Variants in ARNT observed in about 807,000 individuals in gnomAD.
ARNT encodes the protein class E basic helix-loop-helix protein 2.
Under a neutral mutation model 105.0 loss-of-function variants are expected in ARNT, and 30 were observed. The observed-to-expected ratio is 0.29, with a 90% CI of 0.21 to 0.39. The LOEUF is 0.39. Ranked by LOEUF, ARNT falls within the 10% of genes least tolerant of loss-of-function variation. The pLI is 1.00. For missense variants in ARNT, 748 were observed against 978.7 expected (o/e 0.76, Z 3.15); for synonymous variants, 304 against 344.0 (o/e 0.88, Z 1.29).
chr1:150,870,535 T>C (rs1667261816), intron 1 of ARNT, among the ~76,000 whole-genome samples: 1 of 152,112 alleles, frequency 6.6e-6, no homozygotes, highest in Admixed American at 6.5e-5. Flanking sequence ...GGTCTCACTC[T>C]GTCTCCTAGT....
chr1:150,830,997 C>T (rs587714761), intron 10 of ARNT, among the ~76,000 whole-genome samples: 1 of 152,226 alleles, frequency 6.6e-6, no homozygotes, highest in East Asian at 1.9e-4. Context: ...GGGCTGGATG[C>T]TTTCCTTACA....
At chr1:150,873,141 T>A (rs1557979437) in intron 1 of ARNT, among the ~76,000 whole-genome samples, 1 of 151,160 alleles carries the variant, frequency 6.6e-6, no homozygotes, top group Non-Finnish European at 1.5e-5. Flanking sequence ...AAAAAAAAAT[T>A]AGCCGGGCGT....
intron 8 of ARNT, 47 bp downstream of exon 8, chr1:150,834,491 T>TCTTG: frequency 6.3e-7 from 1 of 1,576,084 alleles, no homozygotes; most frequent in African/African-American, 1.3e-5. Flanking sequence ...AACTCTCAGC[T>TCTTG]CTTGATCCTT....
intron 9 of ARNT, 54 bp from the exon 10 acceptor site, chr1:150,831,957 C>CAG: frequency 8.6e-7 from 1 of 1,165,012 alleles, no homozygotes; most frequent in Non-Finnish European, 1.2e-6. Flanking sequence ...CCGTAAAACT[C>CAG]AAAGGGCAAT....
chr1:150,854,734 G>T (rs1422219009), intron 2 of ARNT, among the ~76,000 whole-genome samples: 2 of 151,502 alleles, frequency 1.3e-5, no homozygotes, highest in Non-Finnish European at 2.9e-5. Flanking sequence ...GCGGGCACCT[G>T]TAATCCCAGC....
intron 14 of ARNT, among the ~76,000 whole-genome samples, chr1:150,819,413 T>A (rs76262208): frequency 6.6e-6 from 1 of 152,036 alleles, no homozygotes; most frequent in African/African-American, 2.4e-5. Flanking sequence ...TATATCCACA[T>A]AAAAACTAGT....
intron 1 of ARNT, among the ~76,000 whole-genome samples, chr1:150,875,942 A>C (rs988005850): frequency 1.3e-5 from 2 of 152,212 alleles, no homozygotes; most frequent in African/African-American, 4.8e-5. Context: ...AGGCCCTCTT[A>C]ACACAAGATC....
chr1:150,818,133 T>A (rs1268793463), intron 14 of ARNT, 103 bp from the exon 15 acceptor site: 2 of 770,772 alleles, frequency 2.6e-6, no homozygotes, highest in East Asian at 5.4e-5. Flanking sequence ...CTCTATAGAT[T>A]CATCTGTAGG....
chr1:150,875,193 T>C (rs896477895), intron 1 of ARNT, among the ~76,000 whole-genome samples: 3 of 152,180 alleles, frequency 2.0e-5, no homozygotes, highest in Non-Finnish European at 4.4e-5. Context: ...TGTTTTATAG[T>C]TTTATTCTAT....
At chr1:150,830,028 A>C in intron 10 of ARNT, 48 bp from the exon 11 acceptor site, 3 of 1,592,792 alleles carry the variant, frequency 1.9e-6, no homozygotes, top group Non-Finnish European at 2.6e-6. Context: ...TCCAACTCAA[A>C]TGCCTTCAAA....
intron 4 of ARNT, 43 bp downstream of exon 4, chr1:150,846,220 G>C: frequency 6.5e-7 from 1 of 1,532,646 alleles, no homozygotes; most frequent in Non-Finnish European, 9.0e-7. Flanking sequence ...CTACAACATG[G>C]ATCATATTAT....
At chr1:150,814,001 A>G in intron 20 of ARNT, 76 bp downstream of exon 20, 1 of 1,553,012 alleles carries the variant, frequency 6.4e-7, no homozygotes, top group Non-Finnish European at 8.8e-7. Flanking sequence ...CAACACAGGC[A>G]AACAACTTTA....
intron 1 of ARNT, among the ~76,000 whole-genome samples, chr1:150,865,907 T>C (rs1208430485): frequency 6.6e-6 from 1 of 152,190 alleles, no homozygotes; most frequent in Non-Finnish European, 1.5e-5. Flanking sequence ...ATTTCACTAA[T>C]TGATAGTTTG....
chr1:150,865,265 A>T (rs1041784035), intron 1 of ARNT, among the ~76,000 whole-genome samples: 4 of 152,220 alleles, frequency 2.6e-5, no homozygotes, highest in Non-Finnish European at 5.9e-5. Context: ...AAAAATTTTT[A>T]AAAGCAAAAA....
In ARNT at chr1:150,839,529, C is replaced by A. The variant is rs752945065; in HGVS notation, c.398G>T (p.Arg133Leu). ...GGACTTCATGTGAGAAACTGCCATG[C>A]GTAAGATGGTTAGCTTGTCTGGTTT... Reference protein sequence around the residue: ...ARKPDKLTILRMAVSHMKSLR... With the variant: ...ARKPDKLTILLMAVSHMKSLR... The change falls in exon 6 of 22, where the codon CGC becomes CTC. Residue 133 changes from arginine to leucine, a missense_variant. Physicochemically the swap from Arg to Leu is moderately radical, Grantham distance 102 (BLOSUM62 -2). This residue lies in a region of ARNT where 291 missense variants were observed against 444.6 expected (regional missense o/e 0.65). Transcript: ENST00000358595. The A allele has an allele frequency of 3.1e-6, 5 of 1,614,168 alleles. No individual in the cohort carries two copies. The highest frequency in any genetic ancestry group is 4.2e-6 in the Non-Finnish European group (5 of 1,180,026).
chr1:150,839,159 A>C (rs587683120), intron 6 of ARNT, among the ~76,000 whole-genome samples: 2 of 152,354 alleles, frequency 1.3e-5, no homozygotes, highest in Non-Finnish European at 2.9e-5. Flanking sequence ...CCATGGACAT[A>C]GTCATTTCCT....
intron 14 of ARNT, among the ~76,000 whole-genome samples, chr1:150,819,359 G>A (rs1656598525): frequency 6.6e-6 from 1 of 152,144 alleles, no homozygotes; most frequent in Non-Finnish European, 1.5e-5. Context: ...TTACTATGTG[G>A]CCAGCAATTC....
chr1:150,846,199 A>G, intron 4 of ARNT, 64 bp downstream of exon 4: 1 of 1,410,818 alleles, frequency 7.1e-7, no homozygotes, highest in African/African-American at 1.4e-5. Flanking sequence ...ATATGCTAGG[A>G]CTGTCTGGTT....
In ARNT at chr1:150,836,316, G is replaced by A. The variant is rs1293180795; in HGVS notation, c.664C>T (p.Arg222Cys). ...TTTTCTGAAGTGGAAAGCTGCTCACGAAGTTTATCCACATCATCTGGGTGC... is the reference window on the plus strand; with the variant it reads ...TTTTCTGAAGTGGAAAGCTGCTCACAAAGTTTATCCACATCATCTGGGTGC... ...QVHPDDVDKL[R>C]EQLSTSENAL... Residue 222 changes from arginine (R) to cysteine (C), a missense_variant, in exon 7 of 22, where the codon CGT becomes TGT. Coordinates refer to ENST00000358595, the MANE Select transcript of ARNT (RefSeq NM_001668.4). 3.7e-6 allele frequency: 6 copies of A among 1,613,958 alleles called. No individual in the cohort carries two copies. The highest frequency in any genetic ancestry group is 1.1e-5 in the South Asian group (1 of 91,084).
Sources: allele counts gnomAD v4.1 joint callset (sites outside exome capture counted in the v4.1 genomes callset), GRCh38; gene constraint gnomAD v4.1.1; regional missense constraint gnomAD v4.1.1; transcripts MANE v1.5; gene names NCBI Gene and HGNC (gene_info 2026-07-23, HGNC 2026-07-21).